MYCBP2: variants seen among roughly 807,000 people sequenced by gnomAD.
The protein encoded by MYCBP2 is E3 ubiquitin-protein ligase MYCBP2.
MYCBP2 carries 120 observed loss-of-function variants against 525.3 expected under a neutral mutation model. The observed-to-expected ratio is 0.23, with a 90% CI of 0.20 to 0.27. MYCBP2 has a LOEUF of 0.27. Ranked by LOEUF, MYCBP2 falls within the 10% of genes least tolerant of loss-of-function variation. MYCBP2 has a pLI of 1.00. For synonymous variants in MYCBP2, 1,894 were observed against 1,955.8 expected (o/e 0.97, Z 0.83); for missense variants, 4,149 against 5,657.1 (o/e 0.73, Z 8.55).
intron 60 of MYCBP2, among the ~76,000 whole-genome samples, chr13:77,089,772 G>A (rs942848291): frequency 1.3e-5 from 2 of 151,750 alleles, no homozygotes; most frequent in Non-Finnish European, 2.9e-5. Flanking sequence ...AACTGTGAAT[G>A]TGTACGTCAT....
chr13:77,099,055 T>C lies in MYCBP2; in HGVS notation c.8141-42A>G, dbSNP rs1221836041. On this transcript the variant is annotated intron_variant, in intron 55 of 82. Coordinates refer to ENST00000544440, the MANE Select transcript of MYCBP2 (RefSeq NM_015057.5). ...ACAGTGAAACTTATTAATAAAATTATAACTTACTGATAATTTAGCCACTAA... is the reference window on the plus strand; with the variant it reads ...ACAGTGAAACTTATTAATAAAATTACAACTTACTGATAATTTAGCCACTAA... The C allele has an allele frequency of 5.7e-6, 9 of 1,582,474 alleles. No homozygotes were observed. The South Asian group carries it at 8.0e-5, about 14-fold the overall frequency.
At chr13:77,241,745 T>C (rs934537369) in intron 17 of MYCBP2, among the ~76,000 whole-genome samples, 22 of 152,194 alleles carry the variant, frequency 1.4e-4, no homozygotes, top group Non-Finnish European at 2.5e-4. Flanking sequence ...ACACTCTTCA[T>C]GTGCCAAGTA....
intron 55 of MYCBP2, among the ~76,000 whole-genome samples, chr13:77,106,072 T>C (rs903937436): frequency 7.2e-5 from 11 of 152,110 alleles, no homozygotes; most frequent in Non-Finnish European, 5.9e-5. Flanking sequence ...CAAAGACAAA[T>C]GGTGGTTTTG....
chr13:77,061,178 C>A lies in MYCBP2; in HGVS notation c.13027G>T (p.Glu4343Ter). The change falls in exon 76 of 83, where the codon GAA becomes TAA. Residue 4343 changes from glutamate (E) to a stop codon, truncating the protein, a stop_gained. Coordinates refer to ENST00000544440, the MANE Select transcript of MYCBP2 (RefSeq NM_015057.5). LOFTEE classifies it high-confidence loss of function. ...TCTTTAAACCTTTTACCTGTGTGTT[C>A]TCGGAATTCCACCATTGCCTTCATT... The part of the protein sequence containing the change: ...KTMKAMVEFR[E>*]HTGKPTTSSS... 2.5e-6 allele frequency: 4 copies of A among 1,605,396 alleles called. No individual in the cohort carries two copies. Among genetic ancestry groups the A allele is most frequent in the Non-Finnish European group, 3.4e-6 (4 of 1,176,486 alleles).
At chr13:77,210,306 C>T (rs1246519833) in intron 23 of MYCBP2, among the ~76,000 whole-genome samples, 1 of 151,566 alleles carries the variant, frequency 6.6e-6, no homozygotes, top group Non-Finnish European at 1.5e-5. Flanking sequence ...CATTCTCCTG[C>T]CTCAGCCTCC....
At chr13:77,163,917 T>C (rs1037480680) in intron 43 of MYCBP2, among the ~76,000 whole-genome samples, 3 of 152,332 alleles carry the variant, frequency 2.0e-5, no homozygotes, top group Admixed American at 2.0e-4. Flanking sequence ...CACAGTCTCA[T>C]CTGCAGCCTC....
intron 55 of MYCBP2, among the ~76,000 whole-genome samples, chr13:77,106,723 CT>C (rs1399522025): frequency 6.6e-6 from 1 of 151,566 alleles, no homozygotes; most frequent in African/African-American, 2.4e-5. Context: ...CTTTAAGTTC[CT>C]TTTTTTTCTT....
chr13:77,169,204 C>A (rs988167901), intron 39 of MYCBP2, among the ~76,000 whole-genome samples: 1 of 151,766 alleles, frequency 6.6e-6, no homozygotes, highest in African/African-American at 2.4e-5. Context: ...GTCAGGAGAT[C>A]GAGACCACGG....
rs770553997 is a variant in MYCBP2, at chr13:77,156,051, T to C, written c.6915+7A>G. ...GATGTCTGCTAATTTAATCCAGTTA[T>C]AATTACCTTCATATTGGGAACATGT... is the stretch of plus-strand genomic sequence containing the variant. On this transcript the variant is annotated splice_region_variant and intron_variant, in intron 46 of 82. Transcript: ENST00000544440. 1.2e-6 allele frequency: 2 copies of C among 1,610,246 alleles called. No individual in the cohort carries two copies. The highest frequency in any genetic ancestry group is 1.7e-6 in the Non-Finnish European group (2 of 1,178,170).
intron 17 of MYCBP2, among the ~76,000 whole-genome samples, chr13:77,234,768 A>T (rs1451000851): frequency 6.6e-6 from 1 of 152,024 alleles, no homozygotes. Context: ...CAATTGTTAC[A>T]AAGCAGATAT....
At position 77,206,739 on chromosome 13, in the gene MYCBP2, C is replaced by G. The variant is rs2063386423; in HGVS notation, c.3503G>C (p.Arg1168Thr). Residue 1168 changes from arginine (R) to threonine (T), a missense_variant, in exon 24 of 83, where the codon AGA (arginine) becomes ACA (threonine). Arg to Thr is a moderately conservative substitution (Grantham distance 71). Coordinates refer to ENST00000544440, the MANE Select transcript of MYCBP2 (RefSeq NM_015057.5). ...RLPSAADMQS[R>T]CSILSPELAL... ...AAGTTCAGGACTTAGGATACTACATCTGGACTGCATGTCTGCTGCAGAGGG... is the reference window on the plus strand; with the variant it reads ...AAGTTCAGGACTTAGGATACTACATGTGGACTGCATGTCTGCTGCAGAGGG... 1 of 1,613,076 alleles carries G rather than the reference C, an allele frequency of 6.2e-7. No homozygotes were observed. Among genetic ancestry groups the G allele is most frequent in the South Asian group, 1.1e-5 (1 of 90,952 alleles).
chr13:77,128,018 G>A (rs949028885), intron 52 of MYCBP2, among the ~76,000 whole-genome samples: 12 of 151,846 alleles, frequency 7.9e-5, no homozygotes, highest in African/African-American at 2.7e-4. Flanking sequence ...TAACGGAAAT[G>A]AGAATTTTAA....
At chr13:77,150,362 G>A (rs1408302899) in intron 47 of MYCBP2, among the ~76,000 whole-genome samples, 2 of 151,992 alleles carry the variant, frequency 1.3e-5, no homozygotes, top group Non-Finnish European at 2.9e-5. Flanking sequence ...GGCTGGTCTC[G>A]AACTCTTGGC....
At chr13:77,057,303 C>A (rs1425854194) in intron 78 of MYCBP2, among the ~76,000 whole-genome samples, 1 of 152,090 alleles carries the variant, frequency 6.6e-6, no homozygotes, top group Non-Finnish European at 1.5e-5. Context: ...ATTAACTAGG[C>A]CTTTGGCTTC....
At chr13:77,100,718 A>C (rs2046940459) in intron 55 of MYCBP2, among the ~76,000 whole-genome samples, 1 of 152,092 alleles carries the variant, frequency 6.6e-6, no homozygotes, top group African/African-American at 2.4e-5. Context: ...AAGTAACTAA[A>C]ACATAATGCT....
chr13:77,129,413 A>G (rs2052329872), intron 52 of MYCBP2: 1 of 369,916 alleles, frequency 2.7e-6, no homozygotes, highest in East Asian at 3.8e-5. Flanking sequence ...ATTCTGTCTG[A>G]TAAGTAAGTT....
intron 5 of MYCBP2, chr13:77,272,487 G>A (rs527312265): frequency 1.3e-5 from 2 of 152,252 alleles, no homozygotes; most frequent in East Asian, 3.9e-4. Context: ...GTATCTGAAT[G>A]TTTGTGTTAC....
At chr13:77,207,601 TG>T (rs1422128515) in intron 23 of MYCBP2, among the ~76,000 whole-genome samples, 2 of 152,206 alleles carry the variant, frequency 1.3e-5, no homozygotes, top group Non-Finnish European at 2.9e-5. Flanking sequence ...AATTTTATAC[TG>T]TTTTTTTACC....
chr13:77,098,742 C>T lies in MYCBP2; in HGVS notation c.8412G>A (p.Met2804Ile), dbSNP rs759207743. ...GGGATTCAGCTCTGGAGCTAGAAGG[C>T]ATCCTCCCATCAGATTTCAATGTCT... The part of the protein sequence containing the change: ...TLQTLKSDGR[M>I]PSSSRAESPG... The change falls in exon 56 of 83, where the codon ATG becomes ATA. Residue 2804 changes from methionine (M) to isoleucine (I), a missense_variant. Physicochemically the swap from Met to Ile is conservative, Grantham distance 10. Transcript: ENST00000544440. The T allele has an allele frequency of 1.9e-6, 3 of 1,613,524 alleles. No individual in the cohort carries two copies. Among genetic ancestry groups the T allele is most frequent in the Non-Finnish European group, 2.5e-6 (3 of 1,179,714 alleles).
Sources: gnomAD v4.1 joint callset for allele counts (sites outside exome capture counted in the v4.1 genomes callset) on GRCh38, gnomAD v4.1.1 for gene constraint, MANE v1.5 for transcripts, NCBI Gene and HGNC (gene_info 2026-07-23, HGNC 2026-07-21) for gene names.